The following HMGN3 variants were observed in gnomAD, a reference collection of about 807,000 sequenced individuals.
HMGN3 encodes the protein high mobility group nucleosome-binding domain-containing protein 3.
Under a neutral mutation model 18.8 loss-of-function variants are expected in HMGN3, and 6 were observed. The observed-to-expected ratio is 0.32, with a 90% CI of 0.18 to 0.63. The LOEUF (loss-of-function observed/expected upper bound fraction) is 0.63. HMGN3 is among the 30% of genes least tolerant of loss of function. The pLI, the probability that HMGN3 is intolerant of heterozygous loss-of-function variation, is 0.79. For missense variants in HMGN3, 107 were observed against 114.2 expected (o/e 0.94, Z 0.29); for synonymous variants, 40 against 36.5 (o/e 1.10, Z -0.35).
chr6:79,223,752 T>TA (rs1554166258), intron 1 of HMGN3, among the ~76,000 whole-genome samples: 2 of 147,058 alleles, frequency 1.4e-5, no homozygotes, highest in Non-Finnish European at 3.0e-5. Flanking sequence ...TTTTTTTTTT[T>TA]ATGTGCTGTG....
At chr6:79,231,420 C>T (rs1052158251) in intron 1 of HMGN3, among the ~76,000 whole-genome samples, 1 of 152,136 alleles carries the variant, frequency 6.6e-6, no homozygotes, top group Non-Finnish European at 1.5e-5. Flanking sequence ...CTAAAAAATA[C>T]AGGAAACTCA....
chr6:79,217,643 C>T (rs1352664410), intron 1 of HMGN3, among the ~76,000 whole-genome samples: 1 of 152,132 alleles, frequency 6.6e-6, no homozygotes, highest in Non-Finnish European at 1.5e-5. Flanking sequence ...TTTTGTTGCA[C>T]AGAGTAACAG....
At chr6:79,228,266 G>GA (rs1249863460) in intron 1 of HMGN3, among the ~76,000 whole-genome samples, 5 of 152,044 alleles carry the variant, frequency 3.3e-5, no homozygotes, top group African/African-American at 9.7e-5. Context: ...CATTCAGGTT[G>GA]AAAAAAACAG....
chr6:79,202,246 C>T lies in HMGN3; in HGVS notation c.261+30G>A, dbSNP rs1776174094. On this transcript the variant is annotated intron_variant, in intron 5 of 5. Transcript: ENST00000344726. ...AGAAATTTCTTTAAAGACACTGATT[C>T]AATCAGTGGGAGGTATTTATGGAAA... is the stretch of plus-strand genomic sequence containing the variant. The T allele has an allele frequency of 2.5e-6, 4 of 1,613,210 alleles. No homozygotes were observed. In the Admixed American group the frequency reaches 6.7e-5, roughly 27 times the overall value.
At chr6:79,207,967 A>G (rs1454717164) in intron 3 of HMGN3, among the ~76,000 whole-genome samples, 1 of 152,224 alleles carries the variant, frequency 6.6e-6, no homozygotes, top group Non-Finnish European at 1.5e-5. Context: ...TAAGGAGCAC[A>G]GGTTGGTGAG....
chr6:79,231,562 C>T (rs1777835793), intron 1 of HMGN3, among the ~76,000 whole-genome samples: 1 of 152,164 alleles, frequency 6.6e-6, no homozygotes. Context: ...GACTATCACA[C>T]ACAAAGATAC....
intron 1 of HMGN3, among the ~76,000 whole-genome samples, chr6:79,230,047 C>T (rs1177500056): frequency 6.6e-6 from 1 of 152,096 alleles, no homozygotes; most frequent in Non-Finnish European, 1.5e-5. Context: ...TGTCCATCAC[C>T]TTGTGAAAGG....
chr6:79,209,518 A>G (rs1776578320), intron 2 of HMGN3, among the ~76,000 whole-genome samples: 1 of 152,248 alleles, frequency 6.6e-6, no homozygotes, highest in Non-Finnish European at 1.5e-5. Context: ...GGTACTGGCC[A>G]ACATATAGTA....
intron 3 of HMGN3, among the ~76,000 whole-genome samples, 163 bp from the exon 4 acceptor site, chr6:79,203,793 A>G (rs1161788644): frequency 6.6e-6 from 1 of 152,220 alleles, no homozygotes; most frequent in Non-Finnish European, 1.5e-5. Context: ...CAGCATAAAG[A>G]TCTCTGCATT....
chr6:79,208,338 G>A (rs1776517679), intron 3 of HMGN3, among the ~76,000 whole-genome samples: 1 of 152,088 alleles, frequency 6.6e-6, no homozygotes, highest in African/African-American at 2.4e-5. Context: ...CTTCGTTATG[G>A]GGCTGGCCAC....
intron 1 of HMGN3, among the ~76,000 whole-genome samples, chr6:79,231,955 C>T (rs1213854271): frequency 6.6e-6 from 1 of 152,112 alleles, no homozygotes; most frequent in African/African-American, 2.4e-5. Flanking sequence ...GCTAGGATTC[C>T]AGATGTTTTC....
At chr6:79,220,692 C>A (rs142320368) in intron 1 of HMGN3, among the ~76,000 whole-genome samples, 1 of 152,068 alleles carries the variant, frequency 6.6e-6, no homozygotes, top group Non-Finnish European at 1.5e-5. Flanking sequence ...GGTGATCCAC[C>A]CACTTTGGCC....
chr6:79,202,443 G>A lies in HMGN3; in HGVS notation c.148-54C>T, dbSNP rs370150767. 6.9e-5 allele frequency: 95 copies of A among 1,369,312 alleles called. No individual in the cohort carries two copies. In the African/African-American group the frequency reaches 1.2e-3, roughly 17 times the overall value. The allele number at this position is 1,369,312 out of a possible 1,614,324, so 84.8% of individuals were successfully genotyped here. On this transcript the variant is annotated intron_variant, in intron 4 of 5. Coordinates refer to ENST00000344726, the Ensembl canonical transcript of HMGN3. Reference sequence around the variant, plus strand: ...AGAATGTTAGACACGGTGTGATGATGGCTAAAATCAATCAGCCTCTGTCCA... The same window carrying A: ...AGAATGTTAGACACGGTGTGATGATAGCTAAAATCAATCAGCCTCTGTCCA...
intron 3 of HMGN3, 83 bp downstream of exon 3, chr6:79,208,464 A>C (rs1776525187): frequency 8.7e-7 from 1 of 1,152,164 alleles, no homozygotes; most frequent in African/African-American, 1.5e-5. Context: ...AAACCATGTT[A>C]ATCTTCCTTT....
chr6:79,226,015 T>A (rs1423412289), intron 1 of HMGN3, among the ~76,000 whole-genome samples: 1 of 152,204 alleles, frequency 6.6e-6, no homozygotes, highest in Non-Finnish European at 1.5e-5. Flanking sequence ...GTTTCATTCA[T>A]TAGGCACTGT....
intron 5 of HMGN3, 23 bp downstream of exon 6, chr6:79,202,040 G>T: frequency 6.5e-7 from 1 of 1,530,698 alleles, no homozygotes; most frequent in Admixed American, 2.0e-5. Context: ...CAAACATGCA[G>T]AATTTTCTAC....
At position 79,201,741 on chromosome 6, in the gene HMGN3, G is replaced by T; in HGVS notation, c.262-15C>A. The T allele has an allele frequency of 6.3e-7, 1 of 1,589,876 alleles. No homozygotes were observed. On this transcript the variant is annotated splice_polypyrimidine_tract_variant and intron_variant, in intron 5 of 5. Transcript: ENST00000344726. The stretch of plus-strand genomic sequence containing the variant: ...GTTTTCTGTGCCTGTGAAAAAGAAA[G>T]GAAAAAAAAACATATAGTTACTACT...
chr6:79,215,820 A>G (rs1310821810), intron 1 of HMGN3, among the ~76,000 whole-genome samples: 1 of 152,242 alleles, frequency 6.6e-6, no homozygotes, highest in Non-Finnish European at 1.5e-5. Flanking sequence ...GTTATTAAAT[A>G]ATATTAAAAC....
At chr6:79,214,931 A>C in intron 2 of HMGN3, 41 bp downstream of exon 2, 2 of 1,046,888 alleles carry the variant, frequency 1.9e-6, no homozygotes, top group Non-Finnish European at 2.9e-6. Context: ...TAAACATTTC[A>C]ATGTAAATAA....
Sources: gnomAD v4.1 joint callset for allele counts (sites outside exome capture counted in the v4.1 genomes callset) on GRCh38, gnomAD v4.1.1 for gene constraint, MANE v1.5 for transcripts, NCBI Gene and HGNC (gene_info 2026-07-23, HGNC 2026-07-21) for gene names.